The following ATP10A variants were observed in gnomAD, a reference collection of about 807,000 sequenced individuals.
ATP10A encodes the protein phospholipid-transporting ATPase VA.
In ATP10A, 111 loss-of-function variants were observed where a neutral mutation model predicts 147.8. That is an observed-to-expected ratio of 0.75 (90% CI 0.64 to 0.88). ATP10A has a LOEUF of 0.88. Among genes scored for constraint, ATP10A ranks in the 40% least tolerant of loss-of-function variants. The probability of loss-of-function intolerance (pLI) is 0.00; values close to 1 mark genes in which losing one functional copy is unlikely to be tolerated. For missense variants in ATP10A, 1,927 were observed against 1,959.0 expected (o/e 0.98, Z 0.31); for synonymous variants, 875 against 841.6 (o/e 1.04, Z -0.69).
intron 2 of ATP10A, among the ~76,000 whole-genome samples, chr15:25,762,274 T>C (rs558598916): frequency 2.0e-5 from 3 of 152,326 alleles, no homozygotes; most frequent in African/African-American, 7.2e-5. Flanking sequence ...CTTTATAAAT[T>C]ACCCAGTCTT....
chr15:25,685,739 G>T (rs1479724017), intron 16 of ATP10A, among the ~76,000 whole-genome samples: 1 of 151,524 alleles, frequency 6.6e-6, no homozygotes, highest in Non-Finnish European at 1.5e-5. Context: ...TAGGGGGATT[G>T]CTTGAGCCTA....
chr15:25,746,656 AT>A (rs1887858609), intron 2 of ATP10A, among the ~76,000 whole-genome samples: 1 of 152,246 alleles, frequency 6.6e-6, no homozygotes, highest in Non-Finnish European at 1.5e-5. Context: ...AGAATTCACC[AT>A]AAAAAGAAAA....
intron 1 of ATP10A, among the ~76,000 whole-genome samples, chr15:25,801,718 G>A (rs1890948411): frequency 6.6e-6 from 1 of 152,196 alleles, no homozygotes; most frequent in African/African-American, 2.4e-5. Context: ...TGACTTGCCT[G>A]GCCTGCTCTG....
At chr15:25,755,231 T>G (rs1291796254) in intron 2 of ATP10A, among the ~76,000 whole-genome samples, 2 of 152,160 alleles carry the variant, frequency 1.3e-5, no homozygotes, top group Non-Finnish European at 2.9e-5. Context: ...GGAAAGACCT[T>G]CGAAAGTTTT....
intron 7 of ATP10A, among the ~76,000 whole-genome samples, chr15:25,719,291 T>C (rs912127190): frequency 6.6e-6 from 1 of 152,126 alleles, no homozygotes; most frequent in Non-Finnish European, 1.5e-5. Context: ...CATCTCTTAA[T>C]AGACCCTCTG....
intron 1 of ATP10A, among the ~76,000 whole-genome samples, chr15:25,826,446 C>A (rs1892116321): frequency 6.6e-6 from 1 of 152,050 alleles, no homozygotes; most frequent in Non-Finnish European, 1.5e-5. Flanking sequence ...CCTGTAGTCC[C>A]AGCTACTTGA....
At chr15:25,834,157 T>A (rs1892492309) in intron 1 of ATP10A, among the ~76,000 whole-genome samples, 1 of 152,212 alleles carries the variant, frequency 6.6e-6, no homozygotes, top group Non-Finnish European at 1.5e-5. Flanking sequence ...ATATACACAA[T>A]TTTTTGTCAA....
chr15:25,782,893 G>T (rs1338729904), intron 1 of ATP10A, among the ~76,000 whole-genome samples: 1 of 151,884 alleles, frequency 6.6e-6, no homozygotes, highest in Admixed American at 6.6e-5. Context: ...TGGGTTGCCG[G>T]GTGCCATGGC....
rs771290673 is a variant in ATP10A, at chr15:25,726,090, G to A, written c.848-8C>T. ...GAGCCTTGGTTTCATGTCCTGTCGG[G>A]GAGGACAAAGAGACATGGCAAGTCA... is the stretch of plus-strand genomic sequence containing the variant. On this transcript the variant is annotated splice_region_variant and splice_polypyrimidine_tract_variant and intron_variant, in intron 4 of 20. Transcript: ENST00000555815. 6.2e-7 allele frequency: 1 copy of A among 1,612,830 alleles called. No individual in the cohort carries two copies. Among genetic ancestry groups the A allele is most frequent in the South Asian group, 1.1e-5 (1 of 90,964 alleles).
chr15:25,856,060 T>C (rs1474367476), intron 1 of ATP10A, among the ~76,000 whole-genome samples: 1 of 152,220 alleles, frequency 6.6e-6, no homozygotes, highest in East Asian at 1.9e-4. Flanking sequence ...TTGCAACTTC[T>C]CTGTTAAGTC....
rs1172475782 is a variant in ATP10A, at chr15:25,691,937, T to C, written c.3089-146A>G. 5.8e-6 allele frequency: 5 copies of C among 868,608 alleles called. No individual in the cohort carries two copies. In the East Asian group the frequency reaches 1.2e-4, roughly 21 times the overall value. 53.8% of individuals were successfully genotyped at this position (868,608 alleles called of 1,614,324 possible). ...AGATGGGGGAAAAAGGAGTAGAGCATCCACCCTGGGAGAATAGAGTTAAGC... is the reference window on the plus strand; with the variant it reads ...AGATGGGGGAAAAAGGAGTAGAGCACCCACCCTGGGAGAATAGAGTTAAGC... On this transcript the variant is annotated intron_variant, in intron 14 of 20. Coordinates refer to ENST00000555815, the MANE Select transcript of ATP10A (RefSeq NM_024490.4).
intron 8 of ATP10A, 99 bp downstream of exon 8, chr15:25,718,083 T>TA: frequency 7.7e-7 from 1 of 1,291,684 alleles, no homozygotes; most frequent in Non-Finnish European, 1.1e-6. Context: ...AGCGACAGTG[T>TA]ATTTGTAGGA....
At chr15:25,795,051 C>T (rs1193870550) in intron 1 of ATP10A, among the ~76,000 whole-genome samples, 1 of 152,218 alleles carries the variant, frequency 6.6e-6, no homozygotes, top group Non-Finnish European at 1.5e-5. Context: ...GAGAAATGGG[C>T]ATTGCTAAAT....
At chr15:25,715,820 G>C (rs1338307613) in intron 9 of ATP10A, among the ~76,000 whole-genome samples, 1 of 152,218 alleles carries the variant, frequency 6.6e-6, no homozygotes, top group Non-Finnish European at 1.5e-5. Context: ...GCAGACCCAG[G>C]AGGCTGGGAA....
At position 25,726,205 on chromosome 15, in the gene ATP10A, A is replaced by T. The variant is rs1428746811; in HGVS notation, c.848-123T>A. The T allele has an allele frequency of 2.7e-6, 3 of 1,119,820 alleles. No homozygotes were observed. In the African/African-American group the frequency reaches 4.7e-5, roughly 17 times the overall value. The allele number at this position is 1,119,820 out of a possible 1,614,324, so 69.4% of individuals were successfully genotyped here. A position where few individuals can be genotyped will look rare whatever the true frequency, so the allele number is the denominator to read the frequency against. ...GGTGCTTAGGTGAGAAGCTTGGTCA[A>T]AAAAGCAGGGTTTAAAATTAATCTT... On this transcript the variant is annotated intron_variant, in intron 4 of 20. Transcript: ENST00000555815.
chr15:25,733,947 G>A (rs980195773), intron 3 of ATP10A, among the ~76,000 whole-genome samples: 3 of 152,220 alleles, frequency 2.0e-5, no homozygotes, highest in Non-Finnish European at 4.4e-5. Context: ...TGGCTGGCTG[G>A]CTGCAGGCAG....
At chr15:25,731,612 G>A (rs1330820367) in intron 3 of ATP10A, among the ~76,000 whole-genome samples, 3 of 152,142 alleles carry the variant, frequency 2.0e-5, no homozygotes, top group African/African-American at 7.2e-5. Flanking sequence ...GCCTCTCTGG[G>A]AGATGACATC....
At chr15:25,782,852 C>G (rs1487123678) in intron 1 of ATP10A, among the ~76,000 whole-genome samples, 2 of 151,848 alleles carry the variant, frequency 1.3e-5, no homozygotes, top group Non-Finnish European at 2.9e-5. Context: ...GGAAACATAC[C>G]TTGGAGAGGA....
intron 1 of ATP10A, among the ~76,000 whole-genome samples, chr15:25,828,649 A>G (rs1482071897): frequency 6.6e-6 from 1 of 152,264 alleles, no homozygotes; most frequent in African/African-American, 2.4e-5. Flanking sequence ...CAGGGCTTAG[A>G]GGGAAATTTA....
Sources: gnomAD v4.1 joint callset for allele counts (sites outside exome capture counted in the v4.1 genomes callset) on GRCh38, gnomAD v4.1.1 for gene constraint, MANE v1.5 for transcripts, NCBI Gene and HGNC (gene_info 2026-07-23, HGNC 2026-07-21) for gene names.